TIMM9: variants seen among roughly 807,000 people sequenced by gnomAD.
The protein encoded by TIMM9 is mitochondrial import inner membrane translocase subunit Tim9.
A neutral mutation model predicts 13.4 loss-of-function variants in TIMM9; 10 were observed. That is an observed-to-expected ratio of 0.75 (90% CI 0.46 to 1.26). TIMM9 has a LOEUF of 1.26. Among genes scored for constraint, TIMM9 ranks in the 50% most tolerant of loss-of-function variants. The probability of loss-of-function intolerance (pLI) is 0.00; values close to 1 mark genes in which losing one functional copy is unlikely to be tolerated. For missense variants in TIMM9, 87 were observed against 100.8 expected, an observed-to-expected ratio of 0.86 and a Z score of 0.58; for synonymous variants, 32 against 32.1, an observed-to-expected ratio of 1.00 and a Z score of 0.01.
At chr14:58,419,838 G>A (rs1161776999) in intron 3 of TIMM9, among the ~76,000 whole-genome samples, 1 of 152,132 alleles carries the variant, frequency 6.6e-6, no homozygotes, top group African/African-American at 2.4e-5. Flanking sequence ...GATGGATTGC[G>A]CCCAGGAGGC....
rs185688957 is a variant in TIMM9 at position 58,424,572 on chromosome 14, A to G, written c.-114-477T>C. Among the ~76,000 whole-genome samples the G allele has an allele frequency of 5.3e-5, 8 of 152,328 alleles. 1 individual carries two copies. In the South Asian group the frequency reaches 6.2e-4, roughly 12 times the overall value. On this transcript the variant is annotated intron_variant, in intron 2 of 5. Transcript: ENST00000395159. ...AAAAATATTTTCCAAATAGCCAAAT[A>G]TATGTTATAAGCTAAGTGACTGACC...
intron 3 of TIMM9, among the ~76,000 whole-genome samples, chr14:58,418,942 C>G (rs1487505752): frequency 6.6e-6 from 1 of 151,810 alleles, no homozygotes; most frequent in African/African-American, 2.4e-5. Flanking sequence ...TAAATATACA[C>G]AAATTTATAT....
In TIMM9 at chr14:58,415,166, G is replaced by C. The variant is rs145030693; in HGVS notation, c.-26-3195C>G. ...TCCCTTCAAGTGTCAGAGTGAGGAAGATGAATTTCTACTTCCACCTGGCAG... is the reference window on the plus strand; with the variant it reads ...TCCCTTCAAGTGTCAGAGTGAGGAACATGAATTTCTACTTCCACCTGGCAG... On this transcript the variant is annotated intron_variant, in intron 3 of 5. Transcript: ENST00000395159. 1.4e-3 allele frequency among the ~76,000 whole-genome samples: 215 copies of C among 152,276 alleles called. 2 individuals are homozygous for C. Among genetic ancestry groups the C allele is most frequent in the African/African-American group, 4.7e-3 (194 of 41,546 alleles).
chr14:58,427,361 T>G (rs2036901513), intron 1 of TIMM9, 31 bp downstream of exon 1: 4 of 431,858 alleles, frequency 9.3e-6, no homozygotes, highest in African/African-American at 6.0e-5. Flanking sequence ...ATGACCCGAA[T>G]CTGTCGAAAC....
intron 3 of TIMM9, among the ~76,000 whole-genome samples, chr14:58,421,222 T>C (rs953386274): frequency 6.6e-6 from 1 of 152,232 alleles, no homozygotes; most frequent in Non-Finnish European, 1.5e-5. Context: ...TGGAAAATTC[T>C]GCTGAGGAAA....
rs566324766 is a variant in TIMM9, at chr14:58,422,202, G to A, written c.-27+1806C>T. 1.6e-4 allele frequency among the ~76,000 whole-genome samples: 24 copies of A among 149,488 alleles called. No individual in the cohort carries two copies. The East Asian group carries it at 4.3e-3, about 27-fold the overall frequency. On this transcript the variant is annotated intron_variant, in intron 3 of 5. Coordinates refer to ENST00000395159, the MANE Select transcript of TIMM9 (RefSeq NM_012460.4). ...ACAATCTCAGCTTACTGCAATCTCCGCCTCCCAGGTTCAAGCGATTCTCCT... is the reference window on the plus strand; with the variant it reads ...ACAATCTCAGCTTACTGCAATCTCCACCTCCCAGGTTCAAGCGATTCTCCT...
chr14:58,421,346 A>C (rs916505498), intron 3 of TIMM9, among the ~76,000 whole-genome samples: 1 of 152,228 alleles, frequency 6.6e-6, no homozygotes, highest in Non-Finnish European at 1.5e-5. Context: ...GGAATGGATG[A>C]GGGAAGGAGT....
Position 58,424,391 on chromosome 14 carries a change from C to A in TIMM9, c.-114-296G>T, listed in dbSNP as rs367605728. Among the ~76,000 whole-genome samples, 4 of 152,280 alleles carry A rather than the reference C, an allele frequency of 2.6e-5. 1 individual carries two copies. ...TGGTTCAGAAATCTTAAGAAACTTACATGAGGTCACTTATACAGATAGTAA... is the reference window on the plus strand; with the variant it reads ...TGGTTCAGAAATCTTAAGAAACTTAAATGAGGTCACTTATACAGATAGTAA... On this transcript the variant is annotated intron_variant, in intron 2 of 5. Transcript: ENST00000395159.
chr14:58,417,077 A>AGAG (rs1180641916), intron 3 of TIMM9, among the ~76,000 whole-genome samples: 1 of 152,156 alleles, frequency 6.6e-6, no homozygotes, highest in East Asian at 1.9e-4. Context: ...GGTTTTATCA[A>AGAG]GAGGAGATCC....
chr14:58,412,149 T>C, intron 3 of TIMM9, 178 bp from the exon 4 acceptor site: 1 of 507,442 alleles, frequency 2.0e-6, no homozygotes. Flanking sequence ...AATTAGATTT[T>C]CTTTTTTTTT....
At chr14:58,418,412 C>T (rs770800121) in intron 3 of TIMM9, among the ~76,000 whole-genome samples, 12 of 152,130 alleles carry the variant, frequency 7.9e-5, no homozygotes, top group Non-Finnish European at 1.8e-4. Context: ...GACAGATGTC[C>T]ACTCTCACCA....
chr14:58,425,213 C>A (rs2036698174), intron 2 of TIMM9, among the ~76,000 whole-genome samples: 1 of 151,964 alleles, frequency 6.6e-6, no homozygotes, highest in Admixed American at 6.6e-5. Context: ...GAGTTCCAGA[C>A]CAGCCTGGCC....
intron 3 of TIMM9, among the ~76,000 whole-genome samples, chr14:58,420,845 AAAAAC>A (rs1303731069): frequency 1.3e-5 from 2 of 152,196 alleles, no homozygotes; most frequent in East Asian, 1.9e-4. Context: ...TGGCTAACAT[AAAAAC>A]AAAACAAAAC....
intron 4 of TIMM9, 61 bp downstream of exon 4, chr14:58,411,846 G>C (rs899705690): frequency 3.1e-5 from 46 of 1,481,866 alleles, no homozygotes; most frequent in Non-Finnish European, 4.1e-5. Flanking sequence ...CTGACATGGT[G>C]GCATTAGTAG....
At chr14:58,417,343 G>A (rs1025466673) in intron 3 of TIMM9, among the ~76,000 whole-genome samples, 3 of 151,538 alleles carry the variant, frequency 2.0e-5, no homozygotes, top group Non-Finnish European at 4.4e-5. Flanking sequence ...AAAGAAAAGA[G>A]AAAAGAAAGA....
Position 58,427,499 on chromosome 14 carries a change from G to A in TIMM9, c.-411C>T. 8.0e-7 allele frequency: 1 copy of A among 1,250,194 alleles called. No individual in the cohort carries two copies. Among genetic ancestry groups the A allele is most frequent in the Non-Finnish European group, 1.1e-6 (1 of 894,464 alleles). 77.4% of individuals were successfully genotyped at this position (1,250,194 alleles called of 1,614,324 possible). On this transcript the variant is annotated 5_prime_UTR_variant, in exon 1 of 6. Transcript: ENST00000395159. ...AGCTCTTCAAGTCTTGGATGAGACT[G>A]TAGAGCGGTCTTGTGCGGCAATGTG... is the stretch of plus-strand genomic sequence containing the variant.
intron 3 of TIMM9, among the ~76,000 whole-genome samples, chr14:58,412,530 C>G (rs1445975614): frequency 1.3e-5 from 2 of 152,122 alleles, no homozygotes; most frequent in Non-Finnish European, 2.9e-5. Flanking sequence ...TGCTACCTTG[C>G]TAAGCTGCTT....
intron 3 of TIMM9, among the ~76,000 whole-genome samples, chr14:58,418,753 C>T (rs973972424): frequency 1.3e-5 from 2 of 151,832 alleles, no homozygotes; most frequent in Non-Finnish European, 2.9e-5. Flanking sequence ...AAAACATGTA[C>T]GGACTTGTAT....
rs193108096 is a variant in TIMM9 at position 58,419,397 on chromosome 14, G to C, written c.-27+4611C>G. 4.2e-4 allele frequency among the ~76,000 whole-genome samples: 63 copies of C among 150,266 alleles called. 1 individual carries two copies. The highest frequency in any genetic ancestry group is 1.5e-3 in the African/African-American group (62 of 40,900). ...TTGAGCCTGGGAGGTAGAGGCTGCA[G>C]TAAGCCATGGTTGCGCCACTACGCT... On this transcript the variant is annotated intron_variant, in intron 3 of 5. Transcript: ENST00000395159.
Sources: gnomAD v4.1 joint callset for allele counts (sites outside exome capture counted in the v4.1 genomes callset) on GRCh38, gnomAD v4.1.1 for gene constraint, MANE v1.5 for transcripts, NCBI Gene and HGNC (gene_info 2026-07-23, HGNC 2026-07-21) for gene names.